OLAH: variants seen among roughly 807,000 people sequenced by gnomAD.
OLAH encodes the protein S-acyl fatty acid synthase thioesterase, medium chain.
A neutral mutation model predicts 27.8 loss-of-function variants in OLAH; 33 were observed. The ratio of observed to expected loss-of-function variants is 1.19; its 90% CI spans 0.90 to 1.59. The LOEUF is 1.59. Ranked by LOEUF, OLAH falls within the 40% of genes most tolerant of loss-of-function variation. OLAH has a pLI of 0.00. For synonymous variants in OLAH, 120 were observed against 102.9 expected (o/e 1.17, Z -1.01); for missense variants, 359 against 310.8 (o/e 1.16, Z -1.17).
At chr10:15,049,583 G>C in intron 2 of OLAH, 52 bp from the exon 3 acceptor site, 2 of 1,174,382 alleles carry the variant, frequency 1.7e-6, no homozygotes, top group East Asian at 5.0e-5. Flanking sequence ...ATTCAGTATA[G>C]GGAACTTAAT....
chr10:15,068,251 C>A (rs960626575), intron 6 of OLAH, among the ~76,000 whole-genome samples: 17 of 152,182 alleles, frequency 1.1e-4, no homozygotes, highest in Admixed American at 6.6e-5. Context: ...TCCACTAAAT[C>A]TGTTGATAAA....
At chr10:15,034,229 T>C (rs542830043) in intron 1 of OLAH, among the ~76,000 whole-genome samples, 1 of 151,496 alleles carries the variant, frequency 6.6e-6, no homozygotes, top group East Asian at 1.9e-4. Context: ...TTCTCCTGGG[T>C]TCAAGAGATT....
intron 3 of OLAH, chr10:15,056,796 AATTTT>A: frequency 6.2e-6 from 9 of 1,441,254 alleles, no homozygotes; most frequent in Admixed American, 2.5e-5. Context: ...ATGCTCGGCT[AATTTT>A]ATTTTATTTT....
intron 1 of OLAH, among the ~76,000 whole-genome samples, chr10:15,037,567 C>T (rs139557677): frequency 0.016 from 1,891 of 121,504 alleles, 21 homozygotes; most frequent in Non-Finnish European, 0.024. Context: ...GGTGACAGAG[C>T]GAGACTCCGT....
At chr10:15,034,048 A>T (rs536054531) in intron 1 of OLAH, among the ~76,000 whole-genome samples, 1 of 151,884 alleles carries the variant, frequency 6.6e-6, no homozygotes, top group Non-Finnish European at 1.5e-5. Context: ...GGAAACTACC[A>T]GGAGAGAAAG....
intron 4 of OLAH, chr10:15,062,145 A>G (rs1844380508): frequency 3.7e-6 from 1 of 271,096 alleles, no homozygotes; most frequent in African/African-American, 2.2e-5. Flanking sequence ...CAAAGAGTAT[A>G]TGTTTCTTAA....
At chr10:15,051,198 C>T (rs1165682407) in intron 3 of OLAH, among the ~76,000 whole-genome samples, 1 of 151,804 alleles carries the variant, frequency 6.6e-6, no homozygotes, top group Non-Finnish European at 1.5e-5. Flanking sequence ...GCCTCAGCCT[C>T]CCAAGTATCT....
chr10:15,069,298 T>C (rs1389801967), intron 6 of OLAH, among the ~76,000 whole-genome samples: 4 of 152,166 alleles, frequency 2.6e-5, no homozygotes, highest in African/African-American at 9.7e-5. Context: ...TGGTGTAGAA[T>C]TGTTTCTCAT....
chr10:15,072,389 G>A (rs1844608557), intron 7 of OLAH, among the ~76,000 whole-genome samples: 1 of 152,140 alleles, frequency 6.6e-6, no homozygotes, highest in African/African-American at 2.4e-5. Context: ...TTGGTCTTGT[G>A]TAAAATGAGA....
chr10:15,056,712 C>T, intron 3 of OLAH: 1 of 1,163,636 alleles, frequency 8.6e-7, no homozygotes, highest in Non-Finnish European at 1.1e-6. Flanking sequence ...CTCATTGCAG[C>T]CTTAACTTTT....
At chr10:15,039,192 C>A (rs548003908), upstream of OLAH, among the ~76,000 whole-genome samples, 8 of 151,882 alleles carry the variant, frequency 5.3e-5, no homozygotes, top group Non-Finnish European at 1.2e-4. Flanking sequence ...CACCCCTGCA[C>A]GCCAGTCTGA....
At chr10:15,060,561 G>T (rs1172364751) in intron 3 of OLAH, among the ~76,000 whole-genome samples, 1 of 151,592 alleles carries the variant, frequency 6.6e-6, no homozygotes, top group Non-Finnish European at 1.5e-5. Flanking sequence ...ATCCCATCTG[G>T]TGTTTTTAAA....
At chr10:15,046,246 T>C (rs1484890553) in intron 1 of OLAH, among the ~76,000 whole-genome samples, 1 of 150,650 alleles carries the variant, frequency 6.6e-6, no homozygotes, top group Non-Finnish European at 1.5e-5. Context: ...CTTGGGAGGC[T>C]GAGGCAGGAC....
At chr10:15,055,913 A>T (rs1564530336) in intron 3 of OLAH, among the ~76,000 whole-genome samples, 1 of 151,414 alleles carries the variant, frequency 6.6e-6, no homozygotes, top group Non-Finnish European at 1.5e-5. Context: ...GCAGTGGCAC[A>T]ATCTCTGCTC....
In OLAH at chr10:15,073,128, C is replaced by A; in HGVS notation, c.697C>A (p.Leu233Ile). Residue 233 changes from leucine (L) to isoleucine (I), a missense_variant, in exon 8 of 8, where the codon CTT (leucine) becomes ATT (isoleucine). Leu to Ile is a conservative substitution (Grantham distance 5). Coordinates refer to ENST00000378228, the MANE Select transcript of OLAH (RefSeq NM_001039702.3). ...VTSGNAKIYQ[L>I]PGGHFYLLDP... ...CAGTGGAAATGCTAAAATTTACCAG[C>A]TTCCAGGGGGTCACTTTTATCTTCT... 1 of 1,613,170 alleles carries A rather than the reference C, an allele frequency of 6.2e-7. No homozygotes were observed. The highest frequency in any genetic ancestry group is 8.5e-7 in the Non-Finnish European group (1 of 1,179,376).
At position 15,071,645 on chromosome 10, in the gene OLAH, G is replaced by A. The variant is rs560881380; in HGVS notation, c.573-150G>A. 32 of 1,411,602 alleles carry A rather than the reference G, an allele frequency of 2.3e-5. No individual in the cohort carries two copies. In the Middle Eastern group the frequency reaches 7.8e-4, roughly 34 times the overall value. The allele number at this position is 1,411,602 out of a possible 1,614,324, so 87.4% of individuals were successfully genotyped here. A position where few individuals can be genotyped will look rare whatever the true frequency, so the allele number is the denominator to read the frequency against. ...AGTCTCAGGCAGGCTTTGACAGGTA[G>A]AAGTGCCATTGGTGAAAAATGTTTT... On this transcript the variant is annotated intron_variant, in intron 6 of 7. Coordinates refer to ENST00000378228, the MANE Select transcript of OLAH (RefSeq NM_001039702.3).
intron 1 of OLAH, among the ~76,000 whole-genome samples, chr10:15,034,904 C>A (rs531952677): frequency 2.0e-5 from 3 of 150,910 alleles, no homozygotes; most frequent in Middle Eastern, 3.4e-3. Flanking sequence ...CGGGTTCAAG[C>A]GATTCTCCTG....
intron 7 of OLAH, among the ~76,000 whole-genome samples, chr10:15,072,776 G>A (rs918173287): frequency 1.3e-5 from 2 of 151,808 alleles, no homozygotes; most frequent in Non-Finnish European, 2.9e-5. Context: ...GGTTATCTTG[G>A]GGCTAACATG....
At chr10:15,044,947 C>T (rs1309715316) in intron 1 of OLAH, among the ~76,000 whole-genome samples, 5 of 152,128 alleles carry the variant, frequency 3.3e-5, no homozygotes, top group Non-Finnish European at 7.3e-5. Flanking sequence ...TATCTTTGGA[C>T]TAGTACTATG....
Sources: allele counts gnomAD v4.1 joint callset (sites outside exome capture counted in the v4.1 genomes callset), GRCh38; gene constraint gnomAD v4.1.1; transcripts MANE v1.5; gene names NCBI Gene and HGNC (gene_info 2026-07-23, HGNC 2026-07-21).